Variants in ANK2 observed in about 807,000 individuals in gnomAD.
ANK2 encodes the protein ankyrin 2, also known as ankyrin-2.
In ANK2, 83 loss-of-function variants were observed where a neutral mutation model predicts 360.5. That is an observed-to-expected ratio of 0.23 (90% CI 0.19 to 0.28). The LOEUF (loss-of-function observed/expected upper bound fraction) is 0.28, where lower values mean the gene tolerates loss of function less well. Among genes scored for constraint, ANK2 ranks in the 10% least tolerant of loss-of-function variants. ANK2 has a pLI of 1.00. For missense variants in ANK2, 4,201 were observed against 4,795.7 expected (o/e 0.88, Z 3.66); for synonymous variants, 1,740 against 1,759.5 (o/e 0.99, Z 0.28).
At chr4:112,794,454 A>G in the ANK2 span, among the ~76,000 whole-genome samples, 37,636 of 152,108 alleles carry the variant, frequency 0.25, 5,120 homozygotes, top group East Asian at 0.53. Flanking sequence ...TTCCTAGCTA[A>G]TAAAGCGAAA....
At chr4:112,723,951 T>A in the ANK2 span, among the ~76,000 whole-genome samples, 17 of 152,236 alleles carry the variant, frequency 1.1e-4, no homozygotes, top group African/African-American at 4.1e-4. Flanking sequence ...GATTATAATT[T>A]TATACCCTAA....
At chr4:112,744,373 G>A in the ANK2 span, among the ~76,000 whole-genome samples, 1 of 149,142 alleles carries the variant, frequency 6.7e-6, no homozygotes, top group Admixed American at 6.7e-5. Flanking sequence ...TTGAGATGGG[G>A]TCTTGCTCTG....
intron 4 of ANK2, among the ~76,000 whole-genome samples, chr4:113,231,044 TC>T (rs905626044): frequency 4.6e-5 from 7 of 151,632 alleles, no homozygotes; most frequent in African/African-American, 1.7e-4. Flanking sequence ...TTTTACATTT[TC>T]TTTTTTTTTT....
chr4:113,364,467 C>G (rs944080943), intron 40 of ANK2, among the ~76,000 whole-genome samples: 1 of 152,206 alleles, frequency 6.6e-6, no homozygotes. Flanking sequence ...TAACAGCCCT[C>G]ACTTCTAACA....
chr4:113,187,892 AAAT>A (rs2098558366), intron 2 of ANK2, among the ~76,000 whole-genome samples: 2 of 152,196 alleles, frequency 1.3e-5, no homozygotes, highest in Admixed American at 6.5e-5. Context: ...ATGAAGTGGG[AAAT>A]AATAATACCT....
the ANK2 span, among the ~76,000 whole-genome samples, chr4:112,770,168 C>G: frequency 6.6e-6 from 1 of 152,200 alleles, no homozygotes; most frequent in Non-Finnish European, 1.5e-5. Context: ...TTATCAAGTT[C>G]TACATCGAAT....
upstream of ANK2, among the ~76,000 whole-genome samples, chr4:113,046,203 C>T (rs139108604): frequency 2.0e-4 from 31 of 152,238 alleles, no homozygotes; most frequent in South Asian, 2.1e-4. Context: ...TATTTACCCC[C>T]GGTGTTGTAA....
chr4:113,054,858 T>G (rs2068824684), intron 1 of ANK2, among the ~76,000 whole-genome samples: 1 of 152,180 alleles, frequency 6.6e-6, no homozygotes, highest in Admixed American at 6.5e-5. Flanking sequence ...CTGTTTCTAT[T>G]TACTCACTTT....
Position 112,831,994 on chromosome 4 carries a change from AACTGTAACACTC to A in ANK2, c.-40+13735_-40+13746del, listed in dbSNP as rs551497361. Reference sequence around the variant, plus strand: ...AAACTCCAGACGCACCATCTTTAAGAACTGTAACACTCACTGCAAGCGTCCATGGCTTCATTC... The same window carrying A: ...AAACTCCAGACGCACCATCTTTAAGAACTGCAAGCGTCCATGGCTTCATTC... On this transcript the variant is annotated intron_variant, in intron 1 of 30. Coordinates refer to the ANK2 transcript ENST00000503271. Among the ~76,000 whole-genome samples, 886 of 152,264 alleles carry A rather than the reference AACTGTAACACTC, an allele frequency of 5.8e-3. 6 individuals carry two copies. Among genetic ancestry groups the A allele is most frequent in the African/African-American group, 0.02 (825 of 41,556 alleles).
rs2098728726 is a variant in ANK2, at chr4:113,195,079, T to A, written c.187-1289T>A. ...ATAAATTTACATTTCAGTAGAAGAC[T>A]GTTAGATAGCACATCTCTGAACTAT... On this transcript the variant is annotated intron_variant, in intron 2 of 45. Coordinates refer to ENST00000357077, the MANE Select transcript of ANK2 (RefSeq NM_001148.6). 4.6e-5 allele frequency among the ~76,000 whole-genome samples: 7 copies of A among 152,270 alleles called. No homozygotes were observed. In the South Asian group the frequency reaches 1.4e-3, roughly 32 times the overall value.
intron 11 of ANK2, among the ~76,000 whole-genome samples, chr4:113,256,337 T>A (rs1419660298): frequency 1.3e-5 from 2 of 152,218 alleles, no homozygotes; most frequent in Non-Finnish European, 2.9e-5. Context: ...AAAAAATTAA[T>A]GGTGAATATA....
intron 1 of ANK2, chr4:112,827,074 C>T: frequency 1.7e-6 from 2 of 1,169,750 alleles, no homozygotes; most frequent in Non-Finnish European, 2.6e-6. Flanking sequence ...CTTGATCACC[C>T]ATGCAACACA....
chr4:112,747,248 C>A, the ANK2 span, among the ~76,000 whole-genome samples: 2 of 152,192 alleles, frequency 1.3e-5, no homozygotes, highest in Non-Finnish European at 2.9e-5. Flanking sequence ...TTATTTTAAT[C>A]TGGCTTAAGT....
chr4:113,116,511 C>T (rs1445492304), intron 1 of ANK2, among the ~76,000 whole-genome samples: 1 of 152,212 alleles, frequency 6.6e-6, no homozygotes, highest in Non-Finnish European at 1.5e-5. Context: ...CAGACCTGCT[C>T]ACCCCTGTAT....
At chr4:112,831,083 C>T (rs1444038898) in intron 1 of ANK2, among the ~76,000 whole-genome samples, 3 of 152,220 alleles carry the variant, frequency 2.0e-5, no homozygotes, top group African/African-American at 4.8e-5. Flanking sequence ...CATGCCTGAG[C>T]CCCCACCCCC....
the ANK2 span, among the ~76,000 whole-genome samples, chr4:112,778,142 G>C: frequency 1.3e-5 from 2 of 151,392 alleles, no homozygotes; most frequent in Non-Finnish European, 2.9e-5. Flanking sequence ...GCTAATTTTT[G>C]TATTTTTAGT....
chr4:113,009,925 T>TACACACACACACACACACACACACACAC lies in ANK2; in HGVS notation c.21+105433_21+105434insACACACACACACACACACACACACACAC, dbSNP rs3028929. 1.0e-4 allele frequency among the ~76,000 whole-genome samples: 15 copies of TACACACACACACACACACACACACACAC among 149,646 alleles called. 1 individual carries two copies. The highest frequency in any genetic ancestry group is 5.9e-4 in the East Asian group (3 of 5,096). On this transcript the variant is annotated intron_variant, in intron 2 of 30. Transcript: ENST00000503271. Reference sequence around the variant, plus strand: ...TTTCCTAAGGCCCCATTGTTGAGAGTACACACACACACACACACACACTCA... The same window carrying TACACACACACACACACACACACACACAC: ...TTTCCTAAGGCCCCATTGTTGAGAGTACACACACACACACACACACACACACACACACACACACACACACACACACTCA...
chr4:113,072,636 G>T (rs570918218), intron 1 of ANK2, among the ~76,000 whole-genome samples: 1 of 151,802 alleles, frequency 6.6e-6, no homozygotes, highest in South Asian at 2.1e-4. Flanking sequence ...GTTCTGAATT[G>T]TTTAGGCAAT....
At chr4:112,822,348 G>A (rs1407257859) in intron 1 of ANK2, among the ~76,000 whole-genome samples, 8 of 150,660 alleles carry the variant, frequency 5.3e-5, no homozygotes, top group African/African-American at 2.0e-4. Flanking sequence ...AACCTGGGAG[G>A]CAGAGGTTGC....
Sources: allele counts gnomAD v4.1 joint callset (sites outside exome capture counted in the v4.1 genomes callset), GRCh38; gene constraint gnomAD v4.1.1; transcripts MANE v1.5; gene names NCBI Gene and HGNC (gene_info 2026-07-23, HGNC 2026-07-21).